Variants in EI24 observed in about 807,000 individuals in gnomAD.
EI24 encodes etoposide-induced protein 2.4 homolog.
A neutral mutation model predicts 48.6 loss-of-function variants in EI24; 21 were observed. That is an observed-to-expected ratio of 0.43 (90% CI 0.31 to 0.62). The LOEUF is 0.62. Among genes scored for constraint, EI24 ranks in the 20% least tolerant of loss-of-function variants. The pLI is 0.10. For synonymous variants in EI24, 114 were observed against 145.5 expected, an observed-to-expected ratio of 0.78 and a Z score of 1.56; for missense variants, 280 against 410.5, an observed-to-expected ratio of 0.68 and a Z score of 2.75.
intron 7 of EI24, among the ~76,000 whole-genome samples, chr11:125,579,310 C>G (rs763863334): frequency 1.3e-4 from 19 of 151,720 alleles, no homozygotes; most frequent in Non-Finnish European, 1.8e-4. Context: ...TTCTCCAGTC[C>G]TGCCAGGTGG....
intron 1 of EI24, 56 bp from the exon 2 acceptor site, chr11:125,572,402 A>T: frequency 1.2e-6 from 1 of 840,562 alleles, no homozygotes; most frequent in Non-Finnish European, 2.0e-6. Flanking sequence ...AATGTGCATG[A>T]AGTAACTTAT....
chr11:125,578,079 G>A, intron 5 of EI24, 54 bp from the exon 6 acceptor site: 1 of 1,608,344 alleles, frequency 6.2e-7, no homozygotes. Flanking sequence ...TTCCGCATTT[G>A]GTCTTCTGGA....
chr11:125,579,904 TC>T (rs1200164328), intron 7 of EI24, among the ~76,000 whole-genome samples, 188 bp from the exon 8 acceptor site: 1 of 152,016 alleles, frequency 6.6e-6, no homozygotes. Flanking sequence ...CCTCAAGAGA[TC>T]CTCCCGCCTC....
At chr11:125,583,391 T>G (rs1023401122) in intron 10 of EI24, 130 bp from the exon 11 acceptor site, 2 of 777,068 alleles carry the variant, frequency 2.6e-6, no homozygotes, top group African/African-American at 3.5e-5. Context: ...CTAATATCTG[T>G]ATTTCCTTGA....
At chr11:125,573,581 C>T in intron 2 of EI24, 1 of 263,902 alleles carries the variant, frequency 3.8e-6, no homozygotes, top group Non-Finnish European at 7.9e-6. Flanking sequence ...TGCACTATAG[C>T]AGGGCAAGAA....
At chr11:125,582,306 T>C (rs959298806) in intron 9 of EI24, 40 bp from the exon 10 acceptor site, 15 of 1,488,918 alleles carry the variant, frequency 1.0e-5, no homozygotes, top group Admixed American at 2.2e-5. Context: ...ATGTCTGTTA[T>C]GAAGGTGACT....
At position 125,575,337 on chromosome 11, in the gene EI24, G is replaced by C. The variant is rs777575493; in HGVS notation, c.117G>C (p.Glu39Asp). 8.2e-6 allele frequency: 13 copies of C among 1,577,322 alleles called. No homozygotes were observed. The South Asian group carries it at 1.5e-4, about 18-fold the overall frequency. ...CTCGAATCCAGCAAAAGAGAGAGGA[G>C]CAGCGTCGAAGAAGGGCAAGTAGTG... ...LDARIQQKRE[E>D]QRRRRASSVL... Residue 39 changes from glutamate to aspartate, a missense_variant, in exon 3 of 11, where the codon GAG becomes GAC. Physicochemically the swap from Glu to Asp is conservative, Grantham distance 45 (BLOSUM62 2). This residue lies in a region of EI24 where 204 missense variants were observed against 294.1 expected (regional missense o/e 0.69). Coordinates refer to ENST00000278903, the MANE Select transcript of EI24 (RefSeq NM_004879.5).
At chr11:125,582,508 A>T in intron 10 of EI24, 88 bp downstream of exon 10, 1 of 1,027,660 alleles carries the variant, frequency 9.7e-7, no homozygotes, top group Middle Eastern at 2.2e-4. Flanking sequence ...TTAAAAAAAA[A>T]AATTCTTACT....
chr11:125,576,905 T>TACTTAGTACATATTA (rs1417955270), intron 4 of EI24, among the ~76,000 whole-genome samples: 1 of 152,216 alleles, frequency 6.6e-6, no homozygotes, highest in African/African-American at 2.4e-5. Flanking sequence ...AATTAATATG[T>TACTTAGTACATATTA]ATTCCTGTGT....
Position 125,575,360 on chromosome 11 carries a change from G to T in EI24, c.140G>T (p.Ser47Ile), listed in dbSNP as rs768825664. ...GAGCAGCGTCGAAGAAGGGCAAGTA[G>T]TGTCTTGGCACAGAGAAGAGCCCAG... is the stretch of plus-strand genomic sequence containing the variant. ...REEQRRRRAS[S>I]VLAQRRAQSI... The change falls in exon 3 of 11, where the codon AGT (serine) becomes ATT (isoleucine). Residue 47 changes from serine to isoleucine, a missense_variant. By Grantham distance (142) the Ser-to-Ile change is moderately radical. This residue lies in a region of EI24 where 204 missense variants were observed against 294.1 expected (regional missense o/e 0.69). Transcript: ENST00000278903. 3 of 1,591,008 alleles carry T rather than the reference G, an allele frequency of 1.9e-6. No individual in the cohort carries two copies. The highest frequency in any genetic ancestry group is 2.6e-6 in the Non-Finnish European group (3 of 1,168,726).
chr11:125,573,735 G>A (rs544705238), intron 2 of EI24, among the ~76,000 whole-genome samples: 3 of 147,344 alleles, frequency 2.0e-5, no homozygotes, highest in South Asian at 4.3e-4. Context: ...AGGCTGGAGG[G>A]CAGTGGTGCA....
At chr11:125,581,433 C>T (rs1364958158) in intron 9 of EI24, 111 bp downstream of exon 9, 1 of 550,480 alleles carries the variant, frequency 1.8e-6, no homozygotes, top group Non-Finnish European at 3.2e-6. Flanking sequence ...ATTTGTCCAT[C>T]AGGAGACCTG....
chr11:125,583,142 C>T (rs1939084753), intron 10 of EI24, among the ~76,000 whole-genome samples: 2 of 152,156 alleles, frequency 1.3e-5, no homozygotes, highest in Admixed American at 6.5e-5. Context: ...GCTCTGTCAC[C>T]CAAGCTGGAG....
Position 125,576,110 on chromosome 11 carries a change from T to C in EI24, c.189-145T>C. The C allele has an allele frequency of 5.0e-6, 4 of 805,788 alleles. No homozygotes were observed. The East Asian group carries it at 8.1e-5, about 16-fold the overall frequency. The allele number at this position is 805,788 out of a possible 1,614,324, so 49.9% of individuals were successfully genotyped here. A position where few individuals can be genotyped will look rare whatever the true frequency, so the allele number is the denominator to read the frequency against. On this transcript the variant is annotated intron_variant, in intron 3 of 10. Transcript: ENST00000278903. ...TGACCATTTTTTTAGTCTTTTCTCA[T>C]TGACTGACATTAGAACATTGGGAGA... is the stretch of plus-strand genomic sequence containing the variant.
chr11:125,576,240 T>C lies in EI24; in HGVS notation c.189-15T>C. ...ACTTATGCTTTATAAACTAAATACA[T>C]GTGATCTTTTCCAGTGAGCCACGTA... On this transcript the variant is annotated splice_polypyrimidine_tract_variant and intron_variant, in intron 3 of 10. Transcript: ENST00000278903. 1 of 1,612,218 alleles carries C rather than the reference T, an allele frequency of 6.2e-7. No homozygotes were observed. The highest frequency in any genetic ancestry group is 8.5e-7 in the Non-Finnish European group (1 of 1,178,616).
chr11:125,572,342 A>G (rs2135848130), intron 1 of EI24, 116 bp from the exon 2 acceptor site: 1 of 614,092 alleles, frequency 1.6e-6, no homozygotes, highest in East Asian at 2.7e-5. Context: ...TAGTGCTAGA[A>G]TCTACTGCTA....
rs768410919 is a variant in EI24 at position 125,581,180 on chromosome 11, A to G, written c.674-31A>G. On this transcript the variant is annotated intron_variant, in intron 8 of 10. Transcript: ENST00000278903. Reference sequence around the variant, plus strand: ...AGTCACTTGACTAAAAGGAAATATAATATCTAATTGTATTGGCTTTCTTGT... The same window carrying G: ...AGTCACTTGACTAAAAGGAAATATAGTATCTAATTGTATTGGCTTTCTTGT... 9 of 1,491,592 alleles carry G rather than the reference A, an allele frequency of 6.0e-6. No individual in the cohort carries two copies. The East Asian group carries it at 1.6e-4, about 27-fold the overall frequency. The allele number at this position is 1,491,592 out of a possible 1,614,324, so 92.4% of individuals were successfully genotyped here. A position where few individuals can be genotyped will look rare whatever the true frequency, so the allele number is the denominator to read the frequency against.
In EI24 at chr11:125,583,561, A is replaced by G; in HGVS notation, c.901A>G (p.Ser301Gly). ...CCTCTTCTCCTTGGTGGTCTTCTTAAGCAACAGACTCTTCCACAAGACAGT... is the reference window on the plus strand; with the variant it reads ...CCTCTTCTCCTTGGTGGTCTTCTTAGGCAACAGACTCTTCCACAAGACAGT... ...LRLFSLVVFL[S>G]NRLFHKTVYL... The change falls in exon 11 of 11, where the codon AGC becomes GGC. Residue 301 changes from serine (S) to glycine (G), a missense_variant. Ser to Gly is a moderately conservative substitution (Grantham distance 56, BLOSUM62 0). Transcript: ENST00000278903. 6.2e-7 allele frequency: 1 copy of G among 1,609,442 alleles called. No individual in the cohort carries two copies. The highest frequency in any genetic ancestry group is 8.5e-7 in the Non-Finnish European group (1 of 1,178,034).
At chr11:125,583,370 C>T (rs1939093711) in intron 10 of EI24, 151 bp from the exon 11 acceptor site, 2 of 669,022 alleles carry the variant, frequency 3.0e-6, no homozygotes, top group African/African-American at 3.7e-5. Flanking sequence ...TTGCCTGTTC[C>T]ATCCATGTAT....
Sources: gnomAD v4.1 joint callset for allele counts (sites outside exome capture counted in the v4.1 genomes callset) on GRCh38, gnomAD v4.1.1 for gene constraint, gnomAD v4.1.1 regional missense constraint, MANE v1.5 for transcripts, NCBI Gene and HGNC (gene_info 2026-07-23, HGNC 2026-07-21) for gene names.